RBPJ: variants seen among roughly 807,000 people sequenced by gnomAD.
The protein encoded by RBPJ is recombination signal binding protein for immunoglobulin kappa J region, also known as recombining binding protein suppressor of hairless.
A neutral mutation model predicts 67.8 loss-of-function variants in RBPJ; 9 were observed. That is an observed-to-expected ratio of 0.13 (90% CI 0.08 to 0.23). The LOEUF (loss-of-function observed/expected upper bound fraction) is 0.23. Ranked by LOEUF, RBPJ falls within the 10% of genes least tolerant of loss-of-function variation. The pLI is 1.00. For missense variants in RBPJ, 305 were observed against 595.6 expected (o/e 0.51, Z 5.08); for synonymous variants, 198 against 203.3 (o/e 0.97, Z 0.22).
chr4:26,380,829 ATTATT>A (rs150587920), intron 1 of RBPJ, among the ~76,000 whole-genome samples: 140 of 151,694 alleles, frequency 9.2e-4, no homozygotes, highest in Middle Eastern at 6.8e-3. Flanking sequence ...TTTTAATCCC[ATTATT>A]TTATTTCATT....
At chr4:26,406,107 G>T (rs6847065) in intron 2 of RBPJ, 68 bp from the exon 3 acceptor site, 4 of 981,374 alleles carry the variant, frequency 4.1e-6, no homozygotes, top group Non-Finnish European at 6.6e-6. Context: ...ATTACAGAGC[G>T]TAGTAATGAT....
At chr4:26,120,323 T>TGCAACATCACAGAAAAAAATA in the RBPJ span, among the ~76,000 whole-genome samples, 50 of 152,336 alleles carry the variant, frequency 3.3e-4, 1 homozygote, top group South Asian at 9.9e-3. Flanking sequence ...TGACTTTCTG[T>TGCAACATCACAGAAAAAAATA]GCTTTTTAAA....
intron 2 of RBPJ, among the ~76,000 whole-genome samples, chr4:26,392,880 AGG>A (rs1206245009): frequency 2.0e-5 from 3 of 152,344 alleles, no homozygotes; most frequent in East Asian, 3.9e-4. Flanking sequence ...ATATTCTGAA[AGG>A]GATTAGTGTA....
At chr4:26,225,839 A>G (rs1719057081) in intron 1 of RBPJ, among the ~76,000 whole-genome samples, 2 of 152,046 alleles carry the variant, frequency 1.3e-5, no homozygotes, top group African/African-American at 4.8e-5. Context: ...CTGCCATGCT[A>G]CTAAATAGGG....
chr4:26,319,390 C>T (rs919100702), upstream of RBPJ, among the ~76,000 whole-genome samples: 16 of 152,090 alleles, frequency 1.1e-4, 1 homozygote, highest in African/African-American at 3.9e-4. Context: ...AGACGCGGGT[C>T]TCCTCCCCCG....
At chr4:26,281,067 G>A (rs1283362541) in intron 1 of RBPJ, among the ~76,000 whole-genome samples, 1 of 152,052 alleles carries the variant, frequency 6.6e-6, no homozygotes, top group Non-Finnish European at 1.5e-5. Flanking sequence ...CAGCCTGTTT[G>A]AATGACATTA....
At chr4:26,164,221 C>A (rs180872407) in intron 1 of RBPJ, among the ~76,000 whole-genome samples, 321 of 152,312 alleles carry the variant, frequency 2.1e-3, no homozygotes, top group Non-Finnish European at 4.0e-3. Flanking sequence ...TGTAATTTAG[C>A]TGAAAGACAA....
At chr4:26,120,453 A>G in the RBPJ span, among the ~76,000 whole-genome samples, 1 of 152,008 alleles carries the variant, frequency 6.6e-6, no homozygotes. Flanking sequence ...CGGTACCTCT[A>G]TTTTTTTCTT....
At chr4:26,405,989 C>G (rs1577629463) in intron 2 of RBPJ, among the ~76,000 whole-genome samples, 186 bp from the exon 3 acceptor site, 1 of 152,104 alleles carries the variant, frequency 6.6e-6, no homozygotes, top group East Asian at 1.9e-4. Flanking sequence ...GAGCAGTATT[C>G]ATTGTATCAT....
intron 1 of RBPJ, among the ~76,000 whole-genome samples, chr4:26,252,356 G>A (rs1169015820): frequency 6.6e-6 from 1 of 152,136 alleles, no homozygotes; most frequent in African/African-American, 2.4e-5. Context: ...AGCACTTTGG[G>A]AGGCCGAGGT....
At chr4:26,349,306 A>G (rs1459334476) in intron 1 of RBPJ, among the ~76,000 whole-genome samples, 2 of 152,146 alleles carry the variant, frequency 1.3e-5, no homozygotes, top group Admixed American at 6.5e-5. Flanking sequence ...TTCTGGACGC[A>G]AGTGATCCTC....
chr4:26,411,346 C>G (rs890894266), intron 3 of RBPJ, among the ~76,000 whole-genome samples: 2 of 150,170 alleles, frequency 1.3e-5, no homozygotes, highest in African/African-American at 4.9e-5. Context: ...CCTTTAGTTT[C>G]TTTTGCGTGT....
At chr4:26,147,139 A>T in the RBPJ span, among the ~76,000 whole-genome samples, 5 of 152,244 alleles carry the variant, frequency 3.3e-5, no homozygotes, top group South Asian at 8.3e-4. Flanking sequence ...ATTGTAGAAA[A>T]TGCATTCCAA....
At chr4:26,177,798 AAAC>A (rs1320416468) in intron 1 of RBPJ, among the ~76,000 whole-genome samples, 2 of 152,170 alleles carry the variant, frequency 1.3e-5, no homozygotes, top group Non-Finnish European at 2.9e-5. Flanking sequence ...AAAGCAATAA[AAAC>A]AACCCATAAT....
At chr4:26,204,130 G>T (rs1718086040) in intron 1 of RBPJ, among the ~76,000 whole-genome samples, 1 of 151,828 alleles carries the variant, frequency 6.6e-6, no homozygotes, top group Non-Finnish European at 1.5e-5. Flanking sequence ...TTTTTTGTAG[G>T]GATGGGGGGG....
intron 1 of RBPJ, among the ~76,000 whole-genome samples, chr4:26,279,555 C>A (rs190188067): frequency 6.6e-6 from 1 of 152,300 alleles, no homozygotes; most frequent in East Asian, 1.9e-4. Flanking sequence ...GGATTAAAGG[C>A]GTGAGCCACC....
chr4:26,123,789 G>T, the RBPJ span, among the ~76,000 whole-genome samples: 1 of 152,084 alleles, frequency 6.6e-6, no homozygotes, highest in Non-Finnish European at 1.5e-5. Context: ...CAGGGTCAGG[G>T]TCATCAATAT....
intron 1 of RBPJ, among the ~76,000 whole-genome samples, chr4:26,293,613 G>A (rs1385923079): frequency 6.6e-6 from 1 of 150,422 alleles, no homozygotes; most frequent in Admixed American, 6.6e-5. Flanking sequence ...TCCAGCCTGG[G>A]TGACAGAGTG....
intron 3 of RBPJ, among the ~76,000 whole-genome samples, chr4:26,409,530 C>T (rs915041362): frequency 4.6e-5 from 7 of 152,138 alleles, no homozygotes; most frequent in African/African-American, 1.7e-4. Context: ...GACAGAGTCT[C>T]GCCTTGTTGC....
Sources: allele counts gnomAD v4.1 joint callset (sites outside exome capture counted in the v4.1 genomes callset), GRCh38; gene constraint gnomAD v4.1.1; transcripts MANE v1.5; gene names NCBI Gene and HGNC (gene_info 2026-07-23, HGNC 2026-07-21).